Variants in HS3ST3A1 observed in about 807,000 individuals in gnomAD.
HS3ST3A1 encodes the protein heparan sulfate-glucosamine 3-sulfotransferase 3A1, also known as heparan sulfate glucosamine 3-O-sulfotransferase 3A1.
Under a neutral mutation model 25.7 loss-of-function variants are expected in HS3ST3A1, and 19 were observed. The ratio of observed to expected loss-of-function variants is 0.74; its 90% CI spans 0.52 to 1.08. HS3ST3A1 has a LOEUF of 1.08. Among genes scored for constraint, HS3ST3A1 ranks in the 50% least tolerant of loss-of-function variants. The pLI, the probability that HS3ST3A1 is intolerant of heterozygous loss-of-function variation, is 0.00. For synonymous variants in HS3ST3A1, 226 were observed against 278.6 expected (o/e 0.81, Z 1.88); for missense variants, 459 against 594.3 (o/e 0.77, Z 2.37).
intron 1 of HS3ST3A1, among the ~76,000 whole-genome samples, chr17:13,565,903 G>A (rs572658225): frequency 5.3e-5 from 8 of 152,288 alleles, no homozygotes; most frequent in African/African-American, 1.7e-4. Flanking sequence ...TCTATACTCC[G>A]AGTGTGTAAA....
At chr17:13,542,853 C>CTGGGG (rs1469302309) in intron 1 of HS3ST3A1, among the ~76,000 whole-genome samples, 8 of 152,058 alleles carry the variant, frequency 5.3e-5, no homozygotes, top group Non-Finnish European at 8.8e-5. Context: ...ACACACACCT[C>CTGGGG]TGGGGTGGAA....
intron 1 of HS3ST3A1, among the ~76,000 whole-genome samples, chr17:13,501,506 G>A (rs970500407): frequency 1.3e-5 from 2 of 152,094 alleles, no homozygotes; most frequent in East Asian, 3.9e-4. Context: ...GGGGGCTCTG[G>A]TTTTGCTAAA....
chr17:13,599,695 G>A (rs1458152401), intron 1 of HS3ST3A1, among the ~76,000 whole-genome samples: 1 of 152,156 alleles, frequency 6.6e-6, no homozygotes, highest in Admixed American at 6.5e-5. Context: ...GAAGAGACTG[G>A]CAAATTTAAG....
intron 1 of HS3ST3A1, among the ~76,000 whole-genome samples, chr17:13,522,524 G>A (rs1906280618): frequency 6.6e-6 from 1 of 152,106 alleles, no homozygotes; most frequent in South Asian, 2.1e-4. Flanking sequence ...AGGAGATTAG[G>A]GAGTCTATAT....
chr17:13,520,162 C>T (rs1239772091), intron 1 of HS3ST3A1, among the ~76,000 whole-genome samples: 2 of 152,182 alleles, frequency 1.3e-5, no homozygotes, highest in East Asian at 1.9e-4. Context: ...AATAAAAAGG[C>T]TGGTAAAGGT....
intron 1 of HS3ST3A1, among the ~76,000 whole-genome samples, chr17:13,536,605 C>G (rs780657394): frequency 7.2e-5 from 11 of 152,164 alleles, no homozygotes; most frequent in Non-Finnish European, 1.2e-4. Flanking sequence ...TGACCACGCC[C>G]ACGTTTAACA....
chr17:13,513,299 CTCT>C (rs1175263138), intron 1 of HS3ST3A1, among the ~76,000 whole-genome samples: 4 of 152,198 alleles, frequency 2.6e-5, no homozygotes, highest in African/African-American at 9.7e-5. Context: ...ACAGAAATCC[CTCT>C]TCTTTCAGCA....
At position 13,583,696 on chromosome 17, in the gene HS3ST3A1, A is replaced by G. The variant is rs567674791; in HGVS notation, c.599+16835T>C. 5.1e-4 allele frequency among the ~76,000 whole-genome samples: 77 copies of G among 152,360 alleles called. 1 individual carries two copies. Among genetic ancestry groups the G allele is most frequent in the African/African-American group, 1.8e-3 (76 of 41,586 alleles). ...TTAAATCTAAAGAGATGACATGAACATAGTTGTTGAACTTTACATAGTCAC... is the reference window on the plus strand; with the variant it reads ...TTAAATCTAAAGAGATGACATGAACGTAGTTGTTGAACTTTACATAGTCAC... On this transcript the variant is annotated intron_variant, in intron 1 of 1. Coordinates refer to ENST00000284110, the MANE Select transcript of HS3ST3A1 (RefSeq NM_006042.3).
At chr17:13,520,791 T>G (rs368890309) in intron 1 of HS3ST3A1, among the ~76,000 whole-genome samples, 56 of 152,226 alleles carry the variant, frequency 3.7e-4, no homozygotes, top group Admixed American at 1.1e-3. Context: ...TTTGTATTTT[T>G]AGTAGAGATG....
At chr17:13,568,441 A>T (rs1201530753) in intron 1 of HS3ST3A1, among the ~76,000 whole-genome samples, 2 of 152,206 alleles carry the variant, frequency 1.3e-5, no homozygotes, top group Non-Finnish European at 2.9e-5. Context: ...TTTTTCTGCT[A>T]TTTTAATCTG....
chr17:13,541,341 T>C (rs147373719), intron 1 of HS3ST3A1, among the ~76,000 whole-genome samples: 18 of 152,252 alleles, frequency 1.2e-4, no homozygotes, highest in Non-Finnish European at 2.1e-4. Flanking sequence ...ATCCATGTTC[T>C]ATTAATGGAT....
At chr17:13,528,775 A>T (rs1423333718) in intron 1 of HS3ST3A1, among the ~76,000 whole-genome samples, 2 of 152,118 alleles carry the variant, frequency 1.3e-5, no homozygotes, top group African/African-American at 4.8e-5. Context: ...ACTGCATTTG[A>T]GTTGACTCTG....
At chr17:13,507,522 T>C (rs934131065) in intron 1 of HS3ST3A1, among the ~76,000 whole-genome samples, 11 of 152,186 alleles carry the variant, frequency 7.2e-5, no homozygotes, top group African/African-American at 2.7e-4. Flanking sequence ...ATATGAGTGT[T>C]AAATGCATTC....
chr17:13,541,847 A>G (rs945982276), intron 1 of HS3ST3A1, among the ~76,000 whole-genome samples: 13 of 152,298 alleles, frequency 8.5e-5, no homozygotes, highest in African/African-American at 3.1e-4. Flanking sequence ...ACCTCTTTCA[A>G]CTGTGAACAA....
intron 1 of HS3ST3A1, among the ~76,000 whole-genome samples, chr17:13,526,347 C>T (rs1050519449): frequency 5.3e-5 from 8 of 151,320 alleles, no homozygotes; most frequent in African/African-American, 1.7e-4. Flanking sequence ...GTTCTTTTTC[C>T]GTTACTGACA....
chr17:13,555,182 C>T (rs983166125), intron 1 of HS3ST3A1, among the ~76,000 whole-genome samples: 8 of 152,120 alleles, frequency 5.3e-5, no homozygotes, highest in African/African-American at 1.9e-4. Flanking sequence ...CTTATGCCTC[C>T]CGCTGGGTGG....
intron 1 of HS3ST3A1, among the ~76,000 whole-genome samples, chr17:13,521,407 ATAGAGGG>A (rs1906234155): frequency 6.6e-6 from 1 of 152,186 alleles, no homozygotes; most frequent in Non-Finnish European, 1.5e-5. Context: ...TTTTGAAGTA[ATAGAGGG>A]CCAGGCAGGT....
chr17:13,517,969 T>A (rs1237705906), intron 1 of HS3ST3A1, among the ~76,000 whole-genome samples: 1 of 152,200 alleles, frequency 6.6e-6, no homozygotes, highest in Non-Finnish European at 1.5e-5. Flanking sequence ...AATAGAGTTT[T>A]ATTATAGTTT....
chr17:13,519,202 C>T (rs981068951), intron 1 of HS3ST3A1, among the ~76,000 whole-genome samples: 1 of 152,140 alleles, frequency 6.6e-6, no homozygotes, highest in Non-Finnish European at 1.5e-5. Context: ...TCTTAAAACA[C>T]CAAAAATAGA....
Sources: gnomAD v4.1 joint callset for allele counts (sites outside exome capture counted in the v4.1 genomes callset) on GRCh38, gnomAD v4.1.1 for gene constraint, MANE v1.5 for transcripts, NCBI Gene and HGNC (gene_info 2026-07-23, HGNC 2026-07-21) for gene names.